Variants in CLSPN observed in about 807,000 individuals in gnomAD.
CLSPN encodes the protein claspin, also known as claspin homolog.
A neutral mutation model predicts 156.3 loss-of-function variants in CLSPN; 85 were observed. That is an observed-to-expected ratio of 0.54 (90% CI 0.46 to 0.65). The LOEUF is 0.65. Ranked by LOEUF, CLSPN falls within the 30% of genes least tolerant of loss-of-function variation. The probability of loss-of-function intolerance (pLI) is 0.00; values close to 1 mark genes in which losing one functional copy is unlikely to be tolerated. For missense variants in CLSPN, 1,407 were observed against 1,554.9 expected (o/e 0.90, Z 1.60); for synonymous variants, 534 against 542.4 (o/e 0.98, Z 0.22).
chr1:35,762,203 G>T, intron 5 of CLSPN, 133 bp from the exon 6 acceptor site: 1 of 801,088 alleles, frequency 1.2e-6, no homozygotes. Context: ...CCCAAATGCA[G>T]TATAAACTCA....
intron 24 of CLSPN, among the ~76,000 whole-genome samples, chr1:35,725,839 T>C (rs1034848219): frequency 7.9e-5 from 12 of 151,998 alleles, no homozygotes; most frequent in African/African-American, 2.4e-4. Flanking sequence ...CCCTGAACAA[T>C]GATTTATTCA....
In CLSPN at chr1:35,732,223, A is replaced by G. The variant is rs1018506410; in HGVS notation, c.*4273T>C. 1.0e-6 allele frequency: 1 copy of G among 985,398 alleles called. No individual in the cohort carries two copies. The highest frequency in any genetic ancestry group is 1.1e-4 in the East Asian group (1 of 8,820). 61.0% of individuals were successfully genotyped at this position (985,398 alleles called of 1,614,324 possible). A position where few individuals can be genotyped will look rare whatever the true frequency, so the allele number is the denominator to read the frequency against. On this transcript the variant is annotated 3_prime_UTR_variant, in exon 25 of 25. Coordinates refer to ENST00000318121, the MANE Select transcript of CLSPN (RefSeq NM_022111.4). ...TAGAAGATACAATACCATCTCAAGG[A>G]TGACATAATCAAATAGTATCATGGG...
chr1:35,753,640 A>C (rs891363920), intron 9 of CLSPN, 105 bp downstream of exon 9: 1 of 1,121,954 alleles, frequency 8.9e-7, no homozygotes, highest in South Asian at 1.4e-5. Flanking sequence ...AAAGCCTCCA[A>C]GGAAAAAGAT....
At chr1:35,747,327 A>AT (rs918611254) in intron 14 of CLSPN, among the ~76,000 whole-genome samples, 1 of 152,118 alleles carries the variant, frequency 6.6e-6, no homozygotes, top group Admixed American at 6.6e-5. Context: ...GCCTCAAAAA[A>AT]AAAAATAAAA....
Position 35,764,671 on chromosome 1 carries a change from C to CTTACTTACAAATAT in CLSPN, c.176_177insATATTTGTAAGTAA (p.Lys60TyrfsTer3). ...CGGAATCACTGTCTTGTAGAACCTT[C>CTTACTTACAAATAT]CTGTTTTTCAACTTCTTACTTACAA... On this transcript the variant is annotated stop_gained and frameshift_variant, in exon 3 of 25. Transcript: ENST00000318121. LOFTEE classifies it high-confidence loss of function. The CTTACTTACAAATAT allele has an allele frequency of 6.3e-7, 1 of 1,587,544 alleles. No homozygotes were observed. The highest frequency in any genetic ancestry group is 1.2e-5 in the South Asian group (1 of 84,672).
At chr1:35,757,036 T>G (rs544425837) in intron 8 of CLSPN, among the ~76,000 whole-genome samples, 1 of 152,304 alleles carries the variant, frequency 6.6e-6, no homozygotes, top group East Asian at 1.9e-4. Flanking sequence ...CCCTGTGCTT[T>G]CCATTGTCTC....
Position 35,735,071 on chromosome 1 carries a change from C to T in CLSPN, c.*1425G>A, listed in dbSNP as rs1332345798. 2 of 985,380 alleles carry T rather than the reference C, an allele frequency of 2.0e-6. No homozygotes were observed. Among genetic ancestry groups the T allele is most frequent in the Admixed American group, 1.2e-4 (2 of 16,282 alleles). The allele number at this position is 985,380 out of a possible 1,614,324, so 61.0% of individuals were successfully genotyped here. On this transcript the variant is annotated 3_prime_UTR_variant, in exon 25 of 25. Coordinates refer to ENST00000318121, the MANE Select transcript of CLSPN (RefSeq NM_022111.4). Reference sequence around the variant, plus strand: ...GATTAGTGAGGGCAATGTATGTAAGCCAGAAGAATGCAATAAATAAGGGTT... The same window carrying T: ...GATTAGTGAGGGCAATGTATGTAAGTCAGAAGAATGCAATAAATAAGGGTT...
chr1:35,735,956 A>G lies in CLSPN; in HGVS notation c.*540T>C, dbSNP rs1208308866. 1 of 984,276 alleles carries G rather than the reference A, an allele frequency of 1.0e-6. No homozygotes were observed. Among genetic ancestry groups the G allele is most frequent in the Non-Finnish European group, 1.2e-6 (1 of 829,054 alleles). The allele number at this position is 984,276 out of a possible 1,614,324, so 61.0% of individuals were successfully genotyped here. A position where few individuals can be genotyped will look rare whatever the true frequency, so the allele number is the denominator to read the frequency against. The stretch of plus-strand genomic sequence containing the variant: ...AACCCAAGGCCAGGTGCAGTGACTC[A>G]TGCATGTGACCAGCACTTTGTGGGG... On this transcript the variant is annotated 3_prime_UTR_variant, in exon 25 of 25. Coordinates refer to ENST00000318121, the MANE Select transcript of CLSPN (RefSeq NM_022111.4).
At chr1:35,743,071 G>A in intron 18 of CLSPN, 70 bp downstream of exon 18, 1 of 1,167,788 alleles carries the variant, frequency 8.6e-7, no homozygotes, top group Non-Finnish European at 1.3e-6. Context: ...ACAGGCGCAA[G>A]CCACCATGCC....
chr1:35,761,040 G>A (rs1490669740), intron 7 of CLSPN, 56 bp downstream of exon 7: 2 of 1,451,232 alleles, frequency 1.4e-6, no homozygotes, highest in Admixed American at 3.4e-5. Context: ...TATGCCAGAT[G>A]TTTGCTACAA....
At chr1:35,758,487 A>G (rs1418229290) in intron 8 of CLSPN, among the ~76,000 whole-genome samples, 1 of 152,100 alleles carries the variant, frequency 6.6e-6, no homozygotes, top group Non-Finnish European at 1.5e-5. Context: ...TCTACTAAAA[A>G]TACAAAAATT....
chr1:35,764,302 T>C lies in CLSPN; in HGVS notation c.546A>G (p.Lys182=), dbSNP rs1642591281. 1 of 1,581,336 alleles carries C rather than the reference T, an allele frequency of 6.3e-7. No homozygotes were observed. ...RLEKEERKME[K]IRQLKKKETK... ...TTTCCTTCTTTTTTAGCTGTCTAAT[T>C]TTTTCCATTTTTCTCTCCTCTTTCT... is the stretch of plus-strand genomic sequence containing the variant. Residue 182 remains lysine (K), a synonymous_variant, in exon 3 of 25, where the codon AAA becomes AAG. Transcript: ENST00000318121.
At chr1:35,744,150 C>G (rs1641792525) in intron 16 of CLSPN, among the ~76,000 whole-genome samples, 1 of 152,178 alleles carries the variant, frequency 6.6e-6, no homozygotes, top group Non-Finnish European at 1.5e-5. Context: ...TCCTTATAAC[C>G]TCAGTCTCTG....
Position 35,743,452 on chromosome 1 carries a change from C to T in CLSPN, c.3042+3G>A. ...ATGATTACTTTGTTCCCTTCATACT[C>T]ACCTCATCACTATCAAACTCATTAT... On this transcript the variant is annotated splice_donor_region_variant and intron_variant, in intron 17 of 24. Coordinates refer to ENST00000318121, the MANE Select transcript of CLSPN (RefSeq NM_022111.4). The T allele has an allele frequency of 1.2e-6, 2 of 1,610,948 alleles. No homozygotes were observed. The highest frequency in any genetic ancestry group is 1.1e-5 in the South Asian group (1 of 90,928).
At chr1:35,753,019 G>C (rs1297737185) in intron 9 of CLSPN, among the ~76,000 whole-genome samples, 4 of 152,120 alleles carry the variant, frequency 2.6e-5, no homozygotes, top group African/African-American at 9.7e-5. Context: ...GGAGGGGTGA[G>C]AGCTGTCCTT....
Position 35,736,467 on chromosome 1 carries a change from C to G in CLSPN, c.*29G>C. ...TGCTAGAAACTTCTCAAAGCAGTCT[C>G]AATGTAGATTTTGGCACCTTTGATG... On this transcript the variant is annotated 3_prime_UTR_variant, in exon 25 of 25. Coordinates refer to ENST00000318121, the MANE Select transcript of CLSPN (RefSeq NM_022111.4). 4 of 1,561,248 alleles carry G rather than the reference C, an allele frequency of 2.6e-6. No homozygotes were observed. Among genetic ancestry groups the G allele is most frequent in the Non-Finnish European group, 3.5e-6 (4 of 1,156,908 alleles).
At chr1:35,745,362 GA>G in intron 16 of CLSPN, 88 bp downstream of exon 16, 2 of 873,932 alleles carry the variant, frequency 2.3e-6, no homozygotes, top group Non-Finnish European at 3.7e-6. Context: ...AAGATTCTCA[GA>G]AAAGGTGCAA....
chr1:35,723,493 G>C (rs1479929656), intron 24 of CLSPN, among the ~76,000 whole-genome samples: 1 of 152,188 alleles, frequency 6.6e-6, no homozygotes, highest in African/African-American at 2.4e-5. Flanking sequence ...TTCATAGGTG[G>C]ATAATTTCTC....
chr1:35,737,975 G>A lies in CLSPN; in HGVS notation c.3664+17C>T. On this transcript the variant is annotated intron_variant, in intron 22 of 24. Transcript: ENST00000318121. ...ACAATCCAGGGGGCTAGACCCTAAG[G>A]AGAAACAAGAGCTCACCATTCTTCT... 7.2e-7 allele frequency: 1 copy of A among 1,385,218 alleles called. No homozygotes were observed. The highest frequency in any genetic ancestry group is 1.5e-5 in the African/African-American group (1 of 68,688). 85.8% of individuals were successfully genotyped at this position (1,385,218 alleles called of 1,614,324 possible). A position where few individuals can be genotyped will look rare whatever the true frequency, so the allele number is the denominator to read the frequency against.
Sources: gnomAD v4.1 joint callset for allele counts (sites outside exome capture counted in the v4.1 genomes callset) on GRCh38, gnomAD v4.1.1 for gene constraint, MANE v1.5 for transcripts, NCBI Gene and HGNC (gene_info 2026-07-23, HGNC 2026-07-21) for gene names.